Variants in CHAT observed in about 807,000 individuals in gnomAD.
CHAT encodes choline O-acetyltransferase.
A neutral mutation model predicts 76.9 loss-of-function variants in CHAT; 61 were observed. The observed-to-expected ratio is 0.79, with a 90% CI of 0.65 to 0.98. The LOEUF (loss-of-function observed/expected upper bound fraction) is 0.98. Among genes scored for constraint, CHAT ranks in the 50% least tolerant of loss-of-function variants. The pLI is 0.00. For missense variants in CHAT, 946 were observed against 986.9 expected (o/e 0.96, Z 0.56); for synonymous variants, 407 against 397.4 (o/e 1.02, Z -0.29).
At chr10:49,610,000 C>T (rs1838246211), upstream of CHAT, among the ~76,000 whole-genome samples, 3 of 152,018 alleles carry the variant, frequency 2.0e-5, no homozygotes, top group South Asian at 6.2e-4. Flanking sequence ...GGCGCTGACC[C>T]CGCGAGTCCT....
chr10:49,636,979 C>T (rs757602352), intron 7 of CHAT, among the ~76,000 whole-genome samples: 13 of 151,406 alleles, frequency 8.6e-5, no homozygotes, highest in Non-Finnish European at 1.5e-4. Context: ...TTGATGTCTG[C>T]AGGGTCTGTA....
chr10:49,622,392 C>A (rs1235130608), intron 5 of CHAT, among the ~76,000 whole-genome samples: 1 of 152,222 alleles, frequency 6.6e-6, no homozygotes, highest in Non-Finnish European at 1.5e-5. Context: ...AAAAATGTCT[C>A]CTCCCTCCAC....
chr10:49,659,780 T>C (rs1324624716), intron 13 of CHAT, among the ~76,000 whole-genome samples: 1 of 151,694 alleles, frequency 6.6e-6, no homozygotes, highest in African/African-American at 2.4e-5. Context: ...GAGAATCACA[T>C]GAACCCAGGG....
chr10:49,654,014 G>A (rs567019560), intron 11 of CHAT, among the ~76,000 whole-genome samples: 40 of 152,338 alleles, frequency 2.6e-4, no homozygotes, highest in African/African-American at 8.9e-4. Flanking sequence ...TGCTTCCCAT[G>A]AGCAGCATTC....
intron 6 of CHAT, among the ~76,000 whole-genome samples, chr10:49,625,909 C>T (rs1211355179): frequency 6.6e-6 from 1 of 152,088 alleles, no homozygotes; most frequent in Non-Finnish European, 1.5e-5. Flanking sequence ...CACTGAGGGT[C>T]ATGATCGAGA....
chr10:49,651,667 C>T (rs1221069437), intron 10 of CHAT: 7 of 544,708 alleles, frequency 1.3e-5, no homozygotes, highest in South Asian at 8.1e-5. Context: ...GCTGAGCTCA[C>T]CTTGGGTCAT....
rs770792319 is a variant in CHAT at position 49,649,511 on chromosome 10, G to A, written c.1386G>A (p.Thr462=). Residue 462 remains threonine (T), a synonymous_variant, in exon 10 of 15, where the codon ACG becomes ACA. Transcript: ENST00000337653. ...QCTEHLLKHV[T]QSSRKLIRAD... ...GAGGTTGCCTCTGTGCCCGCAGGAC[G>A]CAGAGCAGCAGGAAGCTGATCCGAG... The A allele has an allele frequency of 7.4e-6, 12 of 1,613,696 alleles. No homozygotes were observed. The highest frequency in any genetic ancestry group is 4.0e-5 in the African/African-American group (3 of 74,940).
chr10:49,646,097 C>T (rs1208017701), intron 7 of CHAT, among the ~76,000 whole-genome samples: 2 of 152,272 alleles, frequency 1.3e-5, no homozygotes, highest in African/African-American at 2.4e-5. Flanking sequence ...TGCCTACACA[C>T]AGATGTGGCT....
chr10:49,627,658 T>C lies in CHAT; in HGVS notation c.984T>C (p.Asp328=), dbSNP rs750133075. 2 of 1,614,154 alleles carry C rather than the reference T, an allele frequency of 1.2e-6. No individual in the cohort carries two copies. Among genetic ancestry groups the C allele is most frequent in the East Asian group, 4.5e-5 (2 of 44,886 alleles). ...VINFRRLSEG[D]LFTQLRKIVK... Reference sequence around the variant, plus strand: ...ATTTCCGCCGTCTCAGTGAGGGGGATCTGTTCACTCAGTTGAGAAAGATAG... The same window carrying C: ...ATTTCCGCCGTCTCAGTGAGGGGGACCTGTTCACTCAGTTGAGAAAGATAG... The change falls in exon 7 of 15, where the codon GAT becomes GAC. Residue 328 remains aspartate (D), a synonymous_variant. Transcript: ENST00000337653.
In CHAT at chr10:49,646,646, C is replaced by T. The variant is rs376230019; in HGVS notation, c.1253C>T (p.Ala418Val). Residue 418 changes from alanine to valine, a missense_variant, in exon 8 of 15, where the codon GCC becomes GTC. This residue lies in a region of CHAT where 49 missense variants were observed against 76.7 expected (regional missense o/e 0.64). Coordinates refer to ENST00000337653, the MANE Select transcript of CHAT (RefSeq NM_020549.5). ...GGCGGAGGCTACAGCAAGAACGGGG[C>T]CAATCGCTGGTACGACAAGTCCCTG... Reference protein sequence around the residue: ...LHGGGYSKNGANRWYDKSLQF... With the variant: ...LHGGGYSKNGVNRWYDKSLQF... 1 of 1,613,888 alleles carries T rather than the reference C, an allele frequency of 6.2e-7. No individual in the cohort carries two copies. The highest frequency in any genetic ancestry group is 1.3e-5 in the African/African-American group (1 of 74,942).
intron 10 of CHAT, among the ~76,000 whole-genome samples, chr10:49,650,788 A>G (rs2132816307): frequency 6.6e-6 from 1 of 152,244 alleles, no homozygotes. Context: ...GGACCCATCC[A>G]CTGGGAGCTG....
intron 7 of CHAT, among the ~76,000 whole-genome samples, chr10:49,629,013 C>T (rs1036533445): frequency 6.6e-6 from 1 of 152,280 alleles, no homozygotes; most frequent in Admixed American, 6.5e-5. Context: ...CCCAGGTGTC[C>T]GGCCTCAGGC....
Position 49,627,650 on chromosome 10 carries a change from G to T in CHAT, c.976G>T (p.Glu326Ter), listed in dbSNP as rs906778274. ...TGTCATTAATTTCCGCCGTCTCAGT[G>T]AGGGGGATCTGTTCACTCAGTTGAG... ...DVVINFRRLSEGDLFTQLRKI... is the reference protein window; with the variant it reads ...DVVINFRRLS The change falls in exon 7 of 15, where the codon GAG becomes TAG. Residue 326 changes from glutamate to a stop codon, truncating the protein, a stop_gained. Coordinates refer to ENST00000337653, the MANE Select transcript of CHAT (RefSeq NM_020549.5). LOFTEE classifies it high-confidence loss of function. 6.2e-7 allele frequency: 1 copy of T among 1,614,054 alleles called. No homozygotes were observed. Among genetic ancestry groups the T allele is most frequent in the East Asian group, 2.2e-5 (1 of 44,900 alleles).
At chr10:49,648,833 G>A (rs753902385) in intron 9 of CHAT, among the ~76,000 whole-genome samples, 2 of 152,156 alleles carry the variant, frequency 1.3e-5, no homozygotes, top group East Asian at 1.9e-4. Flanking sequence ...GCAGATTTAC[G>A]GCAGTCAGGG....
At chr10:49,633,541 T>A (rs1304212067) in intron 7 of CHAT, among the ~76,000 whole-genome samples, 2 of 152,162 alleles carry the variant, frequency 1.3e-5, no homozygotes, top group Non-Finnish European at 2.9e-5. Flanking sequence ...CAGGTGGGAT[T>A]CTGAAGACAG....
At chr10:49,655,575 C>T in intron 13 of CHAT, 127 bp downstream of exon 13, 1 of 810,430 alleles carries the variant, frequency 1.2e-6, no homozygotes, top group South Asian at 1.4e-5. Context: ...CTTGGCAAGG[C>T]CACTTCACCA....
chr10:49,642,162 C>G (rs866680979), intron 7 of CHAT, among the ~76,000 whole-genome samples: 2 of 152,190 alleles, frequency 1.3e-5, no homozygotes, highest in African/African-American at 4.8e-5. Context: ...AAAGGAGCCT[C>G]GATGTGCTCG....
intron 2 of CHAT, 73 bp from the exon 3 acceptor site, chr10:49,619,652 C>G (rs1838624069): frequency 1.4e-6 from 2 of 1,458,092 alleles, no homozygotes; most frequent in East Asian, 2.3e-5. Flanking sequence ...AATACAGATA[C>G]TAGGGACCAA....
chr10:49,636,813 T>C (rs1289963294), intron 7 of CHAT, among the ~76,000 whole-genome samples: 2 of 152,206 alleles, frequency 1.3e-5, no homozygotes, highest in Non-Finnish European at 2.9e-5. Context: ...ATTTGCAACC[T>C]CCAGCATAAA....
Sources: gnomAD v4.1 joint callset for allele counts (sites outside exome capture counted in the v4.1 genomes callset) on GRCh38, gnomAD v4.1.1 for gene constraint, gnomAD v4.1.1 regional missense constraint, MANE v1.5 for transcripts, NCBI Gene and HGNC (gene_info 2026-07-23, HGNC 2026-07-21) for gene names.